Variants in NLRP14 observed in about 807,000 individuals in gnomAD.
The protein encoded by NLRP14 is NLR family pyrin domain containing 14, also known as NACHT, LRR and PYD domains-containing protein 14.
Under a neutral mutation model 94.7 loss-of-function variants are expected in NLRP14, and 105 were observed. The ratio of observed to expected loss-of-function variants is 1.11; its 90% CI spans 0.95 to 1.30. NLRP14 has a LOEUF of 1.30. Among genes scored for constraint, NLRP14 ranks in the 50% most tolerant of loss-of-function variants. The probability of loss-of-function intolerance (pLI) is 0.00; values close to 1 mark genes in which losing one functional copy is unlikely to be tolerated. For synonymous variants in NLRP14, 508 were observed against 459.9 expected (o/e 1.10, Z -1.34); for missense variants, 1,362 against 1,254.1 (o/e 1.09, Z -1.30).
At chr11:7,068,578 A>G (rs1051006389) in intron 10 of NLRP14, among the ~76,000 whole-genome samples, 1 of 152,232 alleles carries the variant, frequency 6.6e-6, no homozygotes, top group Non-Finnish European at 1.5e-5. Flanking sequence ...GCATGAGTAC[A>G]GTTCTTTGAA....
chr11:7,061,908 C>T (rs1330699121), intron 9 of NLRP14, among the ~76,000 whole-genome samples: 3 of 151,888 alleles, frequency 2.0e-5, no homozygotes, highest in Non-Finnish European at 2.9e-5. Context: ...ATGCAAAGGA[C>T]CTGGAATAAA....
At chr11:7,090,205 G>T in the NLRP14 span, 1 of 1,612,758 alleles carries the variant, frequency 6.2e-7, no homozygotes, top group East Asian at 2.2e-5. Context: ...CCTCCCCAGC[G>T]TGATTCTTAC....
the NLRP14 span, among the ~76,000 whole-genome samples, chr11:7,087,376 T>G: frequency 1.3e-5 from 2 of 152,158 alleles, no homozygotes; most frequent in African/African-American, 2.4e-5. Flanking sequence ...AATTTAAGAG[T>G]AGCTGCCTGG....
At chr11:7,084,039 A>G in the NLRP14 span, among the ~76,000 whole-genome samples, 4 of 152,226 alleles carry the variant, frequency 2.6e-5, no homozygotes, top group African/African-American at 9.6e-5. Flanking sequence ...AATGTTGCCC[A>G]TCAAACTGGT....
the NLRP14 span, among the ~76,000 whole-genome samples, chr11:7,081,338 T>C: frequency 6.6e-6 from 1 of 152,012 alleles, no homozygotes; most frequent in Non-Finnish European, 1.5e-5. Context: ...GTGGTCTAGG[T>C]GGTCTGTTGG....
chr11:7,058,504 T>C (rs1300012242), intron 8 of NLRP14, 54 bp downstream of exon 8: 15 of 1,310,260 alleles, frequency 1.1e-5, no homozygotes, highest in East Asian at 7.3e-5. Flanking sequence ...TTGAAATATG[T>C]TTAAAATAGT....
the NLRP14 span, chr11:7,089,254 C>T: frequency 6.2e-7 from 1 of 1,611,940 alleles, no homozygotes; most frequent in Non-Finnish European, 8.5e-7. Context: ...GACCGAGAAA[C>T]CAACAAGTCG....
chr11:7,058,995 C>A (rs961876607), intron 8 of NLRP14, among the ~76,000 whole-genome samples: 1 of 151,858 alleles, frequency 6.6e-6, no homozygotes, highest in Non-Finnish European at 1.5e-5. Context: ...GTCTAGGGAC[C>A]TGCACTTTAA....
rs1257274792 is a variant in NLRP14 at position 7,071,155 on chromosome 11, G to T, written c.3147-18G>T. The T allele has an allele frequency of 6.2e-7, 1 of 1,613,716 alleles. No individual in the cohort carries two copies. The highest frequency in any genetic ancestry group is 1.3e-5 in the African/African-American group (1 of 74,882). ...GGAAATTGAATGCAGGAAAAGAGAT[G>T]TTCCCTTGTTTTCTCAGGTTGTGCA... On this transcript the variant is annotated intron_variant, in intron 11 of 11. Transcript: ENST00000299481.
At chr11:7,089,390 G>A in the NLRP14 span, 2 of 1,598,966 alleles carry the variant, frequency 1.3e-6, no homozygotes, top group Non-Finnish European at 1.7e-6. Flanking sequence ...CGGCGTTCGA[G>A]AGCAGCCGGC....
intron 6 of NLRP14, among the ~76,000 whole-genome samples, chr11:7,050,734 C>T (rs1852431211): frequency 6.6e-6 from 1 of 152,174 alleles, no homozygotes; most frequent in East Asian, 1.9e-4. Context: ...ATGGAATTCA[C>T]TTACAGCATA....
At position 7,062,370 on chromosome 11, in the gene NLRP14, G is replaced by C. The variant is rs745958889; in HGVS notation, c.2842G>C (p.Asp948His). Residue 948 changes from aspartate to histidine, a missense_variant, in exon 10 of 12, where the codon GAT (aspartate) becomes CAT (histidine). Physicochemically the swap from Asp to His is moderately conservative, Grantham distance 81 (BLOSUM62 -1). Coordinates refer to ENST00000299481, the MANE Select transcript of NLRP14 (RefSeq NM_176822.4). Reference protein sequence around the residue: ...GCVLTNACCLDLASVILNNPN... With the variant: ...GCVLTNACCLHLASVILNNPN... ...TGTTCTCACTAATGCATGTTGTCTG[G>C]ATCTGGCTTCTGTTATTTTGAATAA... 5.6e-6 allele frequency: 9 copies of C among 1,613,056 alleles called. No homozygotes were observed. Among genetic ancestry groups the C allele is most frequent in the Non-Finnish European group, 6.8e-6 (8 of 1,179,284 alleles).
At chr11:7,031,187 C>T (rs936416986) in intron 1 of NLRP14, among the ~76,000 whole-genome samples, 3 of 152,148 alleles carry the variant, frequency 2.0e-5, no homozygotes, top group Admixed American at 6.5e-5. Flanking sequence ...TGGCTTTTGG[C>T]GCTTATACCC....
chr11:7,031,097 A>G (rs1006434317), intron 1 of NLRP14, among the ~76,000 whole-genome samples: 2 of 152,158 alleles, frequency 1.3e-5, no homozygotes, highest in African/African-American at 4.8e-5. Context: ...GAGGAAGGTG[A>G]GGCATTAAGG....
chr11:7,046,527 A>G, intron 4 of NLRP14, 141 bp from the exon 5 acceptor site: 2 of 757,058 alleles, frequency 2.6e-6, no homozygotes, highest in Non-Finnish European at 4.7e-6. Context: ...TTCCTGGTGG[A>G]CTGTGCCCAC....
rs370253823 is a variant in NLRP14 at position 7,047,763 on chromosome 11, C to CTTTTTTTTTTTT, written c.2123+935_2123+936insTTTTTTTTTTTT. On this transcript the variant is annotated intron_variant, in intron 5 of 11. Transcript: ENST00000299481. ...AATTTATCTTCTTTCTCTTTCTTTT[C>CTTTTTTTTTTTT]TTTTCTTTTTTTTTTTTGAGACAGT... Among the ~76,000 whole-genome samples the CTTTTTTTTTTTT allele has an allele frequency of 1.4e-4, 17 of 123,840 alleles. 1 individual carries two copies. The highest frequency in any genetic ancestry group is 2.6e-4 in the Admixed American group (3 of 11,542). 81.2% of individuals were successfully genotyped at this position (123,840 alleles called of 152,430 possible). A position where few individuals can be genotyped will look rare whatever the true frequency, so the allele number is the denominator to read the frequency against.
the NLRP14 span, chr11:7,090,307 C>CA: frequency 6.3e-7 from 1 of 1,584,962 alleles, no homozygotes; most frequent in South Asian, 1.1e-5. Flanking sequence ...TAAGCAGGAA[C>CA]AGACTTGGGA....
At chr11:7,034,364 T>A (rs561185045) in intron 1 of NLRP14, among the ~76,000 whole-genome samples, 1 of 152,198 alleles carries the variant, frequency 6.6e-6, no homozygotes, top group Non-Finnish European at 1.5e-5. Flanking sequence ...TTTCTGGCAC[T>A]ATGAGATGCT....
intron 3 of NLRP14, 30 bp from the exon 4 acceptor site, chr11:7,042,358 T>A (rs1354724719): frequency 1.3e-6 from 2 of 1,598,132 alleles, no homozygotes; most frequent in Non-Finnish European, 1.7e-6. Context: ...TCTTTGTTTT[T>A]GTTTTTTTAC....
Sources: allele counts gnomAD v4.1 joint callset (sites outside exome capture counted in the v4.1 genomes callset), GRCh38; gene constraint gnomAD v4.1.1; transcripts MANE v1.5; gene names NCBI Gene and HGNC (gene_info 2026-07-23, HGNC 2026-07-21).